Variants in GABRG3 observed in about 807,000 individuals in gnomAD.
The protein encoded by GABRG3 is gamma-aminobutyric acid receptor subunit gamma-3.
In GABRG3, 25 loss-of-function variants were observed where a neutral mutation model predicts 48.8. That is an observed-to-expected ratio of 0.51 (90% CI 0.37 to 0.72). GABRG3 has a LOEUF of 0.72. Ranked by LOEUF, GABRG3 falls within the 30% of genes least tolerant of loss-of-function variation. The pLI, the probability that GABRG3 is intolerant of heterozygous loss-of-function variation, is 0.00. For missense variants in GABRG3, 394 were observed against 577.9 expected, an observed-to-expected ratio of 0.68 and a Z score of 3.26; for synonymous variants, 227 against 217.6, an observed-to-expected ratio of 1.04 and a Z score of -0.38.
chr15:27,296,428 G>A (rs1891985475), intron 3 of GABRG3, among the ~76,000 whole-genome samples: 2 of 152,052 alleles, frequency 1.3e-5, no homozygotes, highest in African/African-American at 4.8e-5. Flanking sequence ...GCTAACTTGA[G>A]TAACTTTCAT....
intron 5 of GABRG3, among the ~76,000 whole-genome samples, chr15:27,456,155 G>C (rs1362453969): frequency 6.6e-6 from 1 of 152,176 alleles, no homozygotes; most frequent in Non-Finnish European, 1.5e-5. Context: ...AGTAACTGCT[G>C]TTGGGCCTCC....
chr15:26,993,075 A>G (rs554042892), intron 2 of GABRG3, among the ~76,000 whole-genome samples: 6 of 152,010 alleles, frequency 3.9e-5, no homozygotes, highest in South Asian at 2.1e-4. Flanking sequence ...TTCATTTCCA[A>G]TGTTACTTAT....
rs145840940 is a variant in GABRG3 at position 27,404,079 on chromosome 15, C to T, written c.574+75191C>T. Among the ~76,000 whole-genome samples the T allele has an allele frequency of 6.8e-3, 1,024 of 151,542 alleles. 6 individuals carry two copies. The highest frequency in any genetic ancestry group is 1.0e-2 in the Non-Finnish European group (677 of 67,872). On this transcript the variant is annotated intron_variant, in intron 5 of 9. Transcript: ENST00000615808. ...TACTAAAAATATGAAAAATTAGCCA[C>T]GTGTGGTGGCAGGTGCCTGTAGTCC... is the stretch of plus-strand genomic sequence containing the variant.
chr15:27,300,556 C>T (rs1487425580), intron 3 of GABRG3, among the ~76,000 whole-genome samples: 3 of 151,704 alleles, frequency 2.0e-5, no homozygotes, highest in Admixed American at 6.6e-5. Flanking sequence ...ACTTGAGAGG[C>T]TGAGGCAGGA....
chr15:27,243,813 G>GA (rs1188017516), intron 3 of GABRG3, among the ~76,000 whole-genome samples: 33 of 152,236 alleles, frequency 2.2e-4, no homozygotes, highest in African/African-American at 7.7e-4. Context: ...AAAATTTTAA[G>GA]AAAAAGGACC....
At chr15:27,039,607 A>G (rs1896239972) in intron 3 of GABRG3, among the ~76,000 whole-genome samples, 3 of 152,180 alleles carry the variant, frequency 2.0e-5, no homozygotes, top group Admixed American at 2.0e-4. Flanking sequence ...GCATCATTTG[A>G]TTCTTCAGCC....
At chr15:26,973,372 G>A (rs1191772241) in intron 1 of GABRG3, among the ~76,000 whole-genome samples, 2 of 152,170 alleles carry the variant, frequency 1.3e-5, no homozygotes, top group Non-Finnish European at 2.9e-5. Context: ...TTTCATAATA[G>A]AGCTTGCAGA....
At chr15:27,311,802 A>G (rs1893003161) in intron 3 of GABRG3, among the ~76,000 whole-genome samples, 1 of 152,080 alleles carries the variant, frequency 6.6e-6, no homozygotes, top group African/African-American at 2.4e-5. Flanking sequence ...TTGGACTAAC[A>G]CAAAGGTCCA....
chr15:27,087,987 CTCTG>C (rs989881075), intron 3 of GABRG3, among the ~76,000 whole-genome samples: 8 of 137,704 alleles, frequency 5.8e-5, no homozygotes, highest in African/African-American at 2.2e-4. Context: ...ATGTGCGTGT[CTCTG>C]TGTGTGATGT....
intron 3 of GABRG3, among the ~76,000 whole-genome samples, chr15:27,221,570 A>G (rs1049544124): frequency 1.3e-5 from 2 of 152,128 alleles, no homozygotes; most frequent in African/African-American, 4.8e-5. Context: ...AGACCCGGAG[A>G]GTCCCTTGGG....
At chr15:27,307,081 T>TATAC (rs1892584021) in intron 3 of GABRG3, among the ~76,000 whole-genome samples, 2 of 129,774 alleles carry the variant, frequency 1.5e-5, no homozygotes, top group African/African-American at 6.2e-5. Flanking sequence ...TAAACATGTT[T>TATAC]ATATATAAAC....
intron 3 of GABRG3, among the ~76,000 whole-genome samples, chr15:27,259,006 A>T (rs1890698912): frequency 6.6e-6 from 1 of 152,028 alleles, no homozygotes; most frequent in Non-Finnish European, 1.5e-5. Flanking sequence ...TGTGGTATTT[A>T]TCTGAGCCTG....
At chr15:27,248,940 G>A (rs79401831) in intron 3 of GABRG3, among the ~76,000 whole-genome samples, 9 of 152,194 alleles carry the variant, frequency 5.9e-5, no homozygotes, top group East Asian at 5.8e-4. Context: ...AGCCATCGGC[G>A]ACTGGCCCCG....
At chr15:27,216,894 A>T (rs1457179702) in intron 3 of GABRG3, among the ~76,000 whole-genome samples, 1 of 147,298 alleles carries the variant, frequency 6.8e-6, no homozygotes, top group Non-Finnish European at 1.5e-5. Context: ...GTCATCTAGC[A>T]TTAGGTATAT....
intron 3 of GABRG3, among the ~76,000 whole-genome samples, chr15:27,092,551 G>C (rs939500722): frequency 6.6e-6 from 1 of 152,162 alleles, no homozygotes; most frequent in Non-Finnish European, 1.5e-5. Flanking sequence ...AGCAACAAGC[G>C]GATGCTCTGG....
intron 2 of GABRG3, among the ~76,000 whole-genome samples, chr15:27,015,767 G>C (rs1303152307): frequency 1.3e-5 from 2 of 151,756 alleles, no homozygotes; most frequent in Non-Finnish European, 2.9e-5. Context: ...TTTCTTCCTG[G>C]TTACCATTAC....
chr15:27,055,859 A>G (rs916669389), intron 3 of GABRG3, among the ~76,000 whole-genome samples: 1 of 152,222 alleles, frequency 6.6e-6, no homozygotes, highest in African/African-American at 2.4e-5. Flanking sequence ...AAATCATCCC[A>G]GAAATACTAG....
chr15:27,472,746 T>C (rs1889823354), intron 5 of GABRG3, among the ~76,000 whole-genome samples: 1 of 152,212 alleles, frequency 6.6e-6, no homozygotes, highest in African/African-American at 2.4e-5. Flanking sequence ...ATTTTCCTAT[T>C]AATTTAAGTT....
intron 5 of GABRG3, among the ~76,000 whole-genome samples, chr15:27,378,208 C>T (rs1345376571): frequency 1.3e-5 from 2 of 152,060 alleles, no homozygotes; most frequent in Non-Finnish European, 2.9e-5. Context: ...CTTCCATTTC[C>T]TTTTAAACAA....
Sources: gnomAD v4.1 joint callset for allele counts (sites outside exome capture counted in the v4.1 genomes callset) on GRCh38, gnomAD v4.1.1 for gene constraint, MANE v1.5 for transcripts, NCBI Gene and HGNC (gene_info 2026-07-23, HGNC 2026-07-21) for gene names.